The following MARCHF1 variants were observed in gnomAD, a reference collection of about 807,000 sequenced individuals.
MARCHF1 encodes the protein E3 ubiquitin-protein ligase MARCHF1.
Under a neutral mutation model 54.2 loss-of-function variants are expected in MARCHF1, and 40 were observed. The observed-to-expected ratio is 0.74, with a 90% CI of 0.57 to 0.96. The LOEUF is 0.96. MARCHF1 is among the 40% of genes least tolerant of loss of function. MARCHF1 has a pLI of 0.00. For missense variants in MARCHF1, 586 were observed against 656.5 expected (o/e 0.89, Z 1.17); for synonymous variants, 236 against 236.3 (o/e 1.00, Z 0.01).
chr4:163,607,745 A>G (rs1289978975), intron 7 of MARCHF1, among the ~76,000 whole-genome samples: 1 of 152,106 alleles, frequency 6.6e-6, no homozygotes, highest in Non-Finnish European at 1.5e-5. Flanking sequence ...GATTTGTAGC[A>G]TAGAATAGTG....
intron 4 of MARCHF1, among the ~76,000 whole-genome samples, chr4:163,807,296 A>G (rs1748254073): frequency 6.6e-6 from 1 of 152,216 alleles, no homozygotes; most frequent in South Asian, 2.1e-4. Flanking sequence ...TATAACCTTT[A>G]GTCAAATGTT....
chr4:163,788,843 C>A lies in MARCHF1; in HGVS notation c.111+65178G>T, dbSNP rs556503584. ...ATCCAAGAGTAGGGACGTAAGTTTGCCTTTAGCAGACAGCAATCTCAACAA... is the reference window on the plus strand; with the variant it reads ...ATCCAAGAGTAGGGACGTAAGTTTGACTTTAGCAGACAGCAATCTCAACAA... On this transcript the variant is annotated intron_variant, in intron 4 of 9. Coordinates refer to ENST00000514618, the MANE Select transcript of MARCHF1 (RefSeq NM_001394959.1). 2.0e-5 allele frequency among the ~76,000 whole-genome samples: 3 copies of A among 152,106 alleles called. No individual in the cohort carries two copies. The East Asian group carries it at 5.8e-4, about 29-fold the overall frequency.
chr4:163,568,022 T>A (rs375565984), intron 8 of MARCHF1, among the ~76,000 whole-genome samples: 3 of 152,122 alleles, frequency 2.0e-5, no homozygotes, highest in African/African-American at 7.2e-5. Context: ...TATATAATGG[T>A]CTTCTATTGC....
At chr4:163,663,130 A>C (rs374064964) in intron 5 of MARCHF1, among the ~76,000 whole-genome samples, 1 of 152,078 alleles carries the variant, frequency 6.6e-6, no homozygotes, top group East Asian at 1.9e-4. Flanking sequence ...GGCCAAAATA[A>C]AAAGTCAAGC....
At chr4:164,230,273 T>C (rs116055111) in intron 1 of MARCHF1, among the ~76,000 whole-genome samples, 6,225 of 151,660 alleles carry the variant, frequency 0.041, 404 homozygotes, top group African/African-American at 0.14. Flanking sequence ...CATGCGCCCA[T>C]AATCCCAGCT....
chr4:164,382,979 A>G (rs867752399), intron 1 of MARCHF1, among the ~76,000 whole-genome samples: 2 of 152,226 alleles, frequency 1.3e-5, no homozygotes, highest in South Asian at 2.1e-4. Context: ...CATATTGGCC[A>G]TGCCTCTGAT....
At chr4:163,559,942 C>T (rs1264182416) in intron 8 of MARCHF1, among the ~76,000 whole-genome samples, 2 of 152,070 alleles carry the variant, frequency 1.3e-5, no homozygotes, top group Non-Finnish European at 2.9e-5. Flanking sequence ...CTCTAATTGT[C>T]GAGTTCTCAG....
At chr4:163,756,967 T>C (rs1746695959) in intron 4 of MARCHF1, among the ~76,000 whole-genome samples, 1 of 152,182 alleles carries the variant, frequency 6.6e-6, no homozygotes, top group African/African-American at 2.4e-5. Context: ...TAATTGGCCA[T>C]ACACAAGAGG....
chr4:164,193,446 G>A (rs1018387045), intron 1 of MARCHF1, among the ~76,000 whole-genome samples: 10 of 151,956 alleles, frequency 6.6e-5, no homozygotes, highest in Non-Finnish European at 1.5e-4. Context: ...AGCCTGCACT[G>A]CTTAACTCTC....
At chr4:163,895,674 G>A (rs1750790124) in intron 3 of MARCHF1, among the ~76,000 whole-genome samples, 3 of 152,170 alleles carry the variant, frequency 2.0e-5, no homozygotes, top group Non-Finnish European at 4.4e-5. Flanking sequence ...TGCTGTGAAA[G>A]AGGATGTTCT....
intron 2 of MARCHF1, among the ~76,000 whole-genome samples, chr4:164,027,116 A>G (rs1753785742): frequency 6.6e-6 from 1 of 152,108 alleles, no homozygotes; most frequent in South Asian, 2.1e-4. Context: ...TTCCATGCTC[A>G]TGGATTGGAA....
chr4:163,926,054 A>T (rs765507083), intron 3 of MARCHF1, among the ~76,000 whole-genome samples: 5,140 of 151,660 alleles, frequency 0.034, 239 homozygotes, highest in East Asian at 0.19. Context: ...AAGGTATTAC[A>T]TATATGAAGG....
intron 2 of MARCHF1, among the ~76,000 whole-genome samples, chr4:163,990,335 G>C (rs997386253): frequency 6.6e-6 from 1 of 151,834 alleles, no homozygotes. Context: ...GACAAGAAGG[G>C]TACAGTTCTG....
At chr4:163,875,708 A>G (rs1750273088) in intron 3 of MARCHF1, among the ~76,000 whole-genome samples, 1 of 152,168 alleles carries the variant, frequency 6.6e-6, no homozygotes, top group South Asian at 2.1e-4. Context: ...ACTGATGTGA[A>G]CTGCCTAATT....
chr4:163,571,038 G>A (rs1739827546), intron 8 of MARCHF1, among the ~76,000 whole-genome samples: 1 of 152,000 alleles, frequency 6.6e-6, no homozygotes, highest in African/African-American at 2.4e-5. Context: ...TAATCTTTAT[G>A]CATCTTTCTA....
In MARCHF1 at chr4:163,908,071, A is replaced by G. The variant is rs544769283; in HGVS notation, c.-38-53902T>C. On this transcript the variant is annotated intron_variant, in intron 3 of 9. Coordinates refer to ENST00000514618, the MANE Select transcript of MARCHF1 (RefSeq NM_001394959.1). ...GCCTGAAGTTGGCATGCATATGAGA[A>G]GACACGCAGTATGATGGCTCATCTC... is the stretch of plus-strand genomic sequence containing the variant. Among the ~76,000 whole-genome samples the G allele has an allele frequency of 6.7e-4, 102 of 152,288 alleles. 1 individual carries two copies. Among genetic ancestry groups the G allele is most frequent in the African/African-American group, 2.3e-3 (97 of 41,578 alleles).
intron 3 of MARCHF1, among the ~76,000 whole-genome samples, chr4:163,867,286 TG>T (rs1750073856): frequency 6.6e-6 from 1 of 151,946 alleles, no homozygotes; most frequent in South Asian, 2.1e-4. Flanking sequence ...CATAAAGTGA[TG>T]ACAAAAAGAG....
chr4:163,668,340 G>T (rs1268757441), intron 5 of MARCHF1, among the ~76,000 whole-genome samples: 1 of 152,134 alleles, frequency 6.6e-6, no homozygotes, highest in Non-Finnish European at 1.5e-5. Flanking sequence ...GAAAGACATA[G>T]TAAGTACCTG....
At position 163,736,982 on chromosome 4, in the gene MARCHF1, A is replaced by G. The variant is rs572752355; in HGVS notation, c.112-36119T>C. ...GGCCCTAACACATTCAGGATCTCTGAGGGAAACTTCTACCATCAACTAAGA... is the reference window on the plus strand; with the variant it reads ...GGCCCTAACACATTCAGGATCTCTGGGGGAAACTTCTACCATCAACTAAGA... On this transcript the variant is annotated intron_variant, in intron 4 of 9. Transcript: ENST00000514618. Among the ~76,000 whole-genome samples, 3 of 152,138 alleles carry G rather than the reference A, an allele frequency of 2.0e-5. No individual in the cohort carries two copies. The East Asian group carries it at 5.8e-4, about 30-fold the overall frequency.
Sources: allele counts gnomAD v4.1 joint callset (sites outside exome capture counted in the v4.1 genomes callset), GRCh38; gene constraint gnomAD v4.1.1; transcripts MANE v1.5; gene names NCBI Gene and HGNC (gene_info 2026-07-23, HGNC 2026-07-21).